The following LARP1 variants were observed in gnomAD, a reference collection of about 807,000 sequenced individuals.
LARP1 encodes la-related protein 1.
LARP1 carries 36 observed loss-of-function variants against 122.7 expected under a neutral mutation model. That is an observed-to-expected ratio of 0.29 (90% confidence interval 0.22 to 0.39). LARP1 has a LOEUF of 0.39. Among genes scored for constraint, LARP1 ranks in the 10% least tolerant of loss-of-function variants. The probability of loss-of-function intolerance (pLI) is 1.00; values close to 1 mark genes in which losing one functional copy is unlikely to be tolerated. For missense variants in LARP1, 1,040 were observed against 1,403.6 expected (o/e 0.74, Z 4.14); for synonymous variants, 539 against 528.7 (o/e 1.02, Z -0.27).
intron 1 of LARP1, among the ~76,000 whole-genome samples, chr5:154,785,866 C>T (rs1391378077): frequency 6.6e-6 from 1 of 152,178 alleles, no homozygotes; most frequent in East Asian, 1.9e-4. Flanking sequence ...CCTCATTTCT[C>T]TTCATCCTTC....
chr5:154,729,580 G>C, intron 1 of LARP1: 1 of 436,126 alleles, frequency 2.3e-6, no homozygotes, highest in Non-Finnish European at 4.5e-6. Flanking sequence ...AAGCCAAAGA[G>C]AAAGGTACCT....
intron 1 of LARP1, among the ~76,000 whole-genome samples, chr5:154,702,524 C>A (rs1754765576): frequency 6.6e-6 from 1 of 151,736 alleles, no homozygotes; most frequent in Admixed American, 6.6e-5. Flanking sequence ...CCATTGCACT[C>A]CAGCCTGGGC....
chr5:154,796,115 T>C (rs954707593), intron 8 of LARP1, among the ~76,000 whole-genome samples: 17 of 108,796 alleles, frequency 1.6e-4, no homozygotes, highest in Non-Finnish European at 1.6e-5. Context: ...ATATATAGTA[T>C]ATATATTATA....
At chr5:154,785,884 G>T (rs1284180570) in intron 1 of LARP1, among the ~76,000 whole-genome samples, 1 of 152,094 alleles carries the variant, frequency 6.6e-6, no homozygotes, top group African/African-American at 2.4e-5. Context: ...TTCATTAGCA[G>T]TAGTAGCATC....
chr5:154,735,136 A>C, intron 1 of LARP1, among the ~76,000 whole-genome samples: 1 of 152,200 alleles, frequency 6.6e-6, no homozygotes, highest in East Asian at 1.9e-4. Flanking sequence ...TGCTATGAAC[A>C]TAGGTGTACA....
At chr5:154,723,087 G>A (rs995705224) in intron 1 of LARP1, among the ~76,000 whole-genome samples, 1 of 152,208 alleles carries the variant, frequency 6.6e-6, no homozygotes, top group African/African-American at 2.4e-5. Flanking sequence ...GAGCCTGAAC[G>A]AAAGCCAACA....
chr5:154,742,729 CAAAA>C (rs542787090), intron 1 of LARP1, among the ~76,000 whole-genome samples: 4 of 77,408 alleles, frequency 5.2e-5, no homozygotes, highest in Admixed American at 2.9e-4. Context: ...GACCCTGTCT[CAAAA>C]AAAAAAAAAA....
At chr5:154,693,591 C>T (rs1754323643) in intron 1 of LARP1, among the ~76,000 whole-genome samples, 1 of 152,066 alleles carries the variant, frequency 6.6e-6, no homozygotes, top group African/African-American at 2.4e-5. Context: ...CGCGGTGGCT[C>T]ACACCTGTAA....
intron 18 of LARP1, among the ~76,000 whole-genome samples, chr5:154,812,516 C>G (rs1364207794): frequency 1.4e-5 from 1 of 73,360 alleles, no homozygotes; most frequent in Non-Finnish European, 2.4e-5. Flanking sequence ...CCCCCCCCCC[C>G]CACCCCCCCT....
intron 14 of LARP1, chr5:154,805,015 A>G (rs2113846693): frequency 2.3e-6 from 1 of 425,662 alleles, no homozygotes; most frequent in Non-Finnish European, 4.7e-6. Context: ...AAGCCTTACC[A>G]ATAACATATA....
At chr5:154,787,723 G>A (rs571740134) in intron 1 of LARP1, among the ~76,000 whole-genome samples, 63 of 152,300 alleles carry the variant, frequency 4.1e-4, no homozygotes, top group African/African-American at 1.4e-3. Context: ...GCAGGGCACC[G>A]TGGGTTTTCA....
upstream of LARP1, among the ~76,000 whole-genome samples, chr5:154,755,356 C>A (rs1224805820): frequency 6.7e-6 from 1 of 150,340 alleles, no homozygotes; most frequent in Non-Finnish European, 1.5e-5. Flanking sequence ...CTGCTTGGCT[C>A]GCCGCGCCTC....
rs572716720 is a variant in LARP1 at position 154,814,239 on chromosome 5, A to G, written c.*143A>G. The stretch of plus-strand genomic sequence containing the variant: ...AGGCCTTTGTGCTGAGTAGCAATGT[A>G]TACACCATTTGGGCTATCAGAGGTA... On this transcript the variant is annotated 3_prime_UTR_variant, in exon 19 of 19. Coordinates refer to ENST00000518297, the MANE Select transcript of LARP1 (RefSeq NM_033551.3). 3.6e-5 allele frequency: 29 copies of G among 797,234 alleles called. No individual in the cohort carries two copies. In the Admixed American group the frequency reaches 7.2e-4, roughly 20 times the overall value. The allele number at this position is 797,234 out of a possible 1,614,324, so 49.4% of individuals were successfully genotyped here.
At chr5:154,798,668 A>G (rs1758083826) in intron 8 of LARP1, among the ~76,000 whole-genome samples, 2 of 152,076 alleles carry the variant, frequency 1.3e-5, no homozygotes, top group African/African-American at 2.4e-5. Flanking sequence ...CCACCTTTTT[A>G]CGATTTGTAG....
At chr5:154,749,741 C>A (rs1007230014) in intron 1 of LARP1, among the ~76,000 whole-genome samples, 1 of 152,136 alleles carries the variant, frequency 6.6e-6, no homozygotes, top group African/African-American at 2.4e-5. Flanking sequence ...GTCTTCATAC[C>A]CAAGGGGCCC....
At chr5:154,741,630 C>G (rs377653128) in intron 1 of LARP1, among the ~76,000 whole-genome samples, 25 of 152,086 alleles carry the variant, frequency 1.6e-4, no homozygotes, top group African/African-American at 6.0e-4. Flanking sequence ...CCTAGGGGCC[C>G]GCAGGCTGGG....
At chr5:154,801,985 C>T in intron 10 of LARP1, 22 bp from the exon 11 acceptor site, 1 of 1,583,366 alleles carries the variant, frequency 6.3e-7, no homozygotes, top group Non-Finnish European at 8.6e-7. Context: ...ATTCCTTTTC[C>T]CCTTCGTCTG....
chr5:154,786,512 G>A (rs1229140833), intron 1 of LARP1: 1 of 455,670 alleles, frequency 2.2e-6, no homozygotes. Flanking sequence ...AGTTGAGGAA[G>A]AAGACCCTCC....
upstream of LARP1, among the ~76,000 whole-genome samples, chr5:154,753,948 T>C (rs1242461818): frequency 6.7e-6 from 1 of 149,880 alleles, no homozygotes; most frequent in East Asian, 1.9e-4. Flanking sequence ...CAGGCTGTTA[T>C]GTTATGTGAG....
Sources: allele counts gnomAD v4.1 joint callset (sites outside exome capture counted in the v4.1 genomes callset), GRCh38; gene constraint gnomAD v4.1.1; transcripts MANE v1.5; gene names NCBI Gene and HGNC (gene_info 2026-07-23, HGNC 2026-07-21).